PIGN: variants seen among roughly 807,000 people sequenced by gnomAD.
PIGN encodes the protein phosphatidylinositol glycan anchor biosynthesis class N, also known as GPI ethanolamine phosphate transferase 1.
In PIGN, 117 loss-of-function variants were observed where a neutral mutation model predicts 125.4. The observed-to-expected ratio is 0.93, with a 90% CI of 0.80 to 1.09. PIGN has a LOEUF of 1.09. Ranked by LOEUF, PIGN falls within the 50% of genes least tolerant of loss-of-function variation. The probability of loss-of-function intolerance (pLI) is 0.00; values close to 1 mark genes in which losing one functional copy is unlikely to be tolerated. For synonymous variants in PIGN, 392 were observed against 377.8 expected (o/e 1.04, Z -0.44); for missense variants, 1,075 against 1,094.9 (o/e 0.98, Z 0.26).
Position 62,085,258 on chromosome 18 carries a change from A to C in PIGN, c.2377T>G (p.Phe793Val). 1.3e-6 allele frequency: 2 copies of C among 1,542,990 alleles called. No individual in the cohort carries two copies. Among genetic ancestry groups the C allele is most frequent in the Non-Finnish European group, 1.8e-6 (2 of 1,140,022 alleles). Residue 793 changes from phenylalanine to valine, a missense_variant, in exon 26 of 31, where the codon TTC becomes GTC. Coordinates refer to ENST00000640252, the MANE Select transcript of PIGN (RefSeq NM_176787.5). ...DIRRAFFLVF[F>V]LVTAFFGTGN... ...GTTCCAAAAAATGCTGTCACTAAGA[A>C]GAAAACCTAAAGGGAGTCAAGGAAA...
At chr18:62,059,320 T>A (rs1170202580) in intron 30 of PIGN, among the ~76,000 whole-genome samples, 1 of 152,002 alleles carries the variant, frequency 6.6e-6, no homozygotes, top group Non-Finnish European at 1.5e-5. Flanking sequence ...AAGCTCAATC[T>A]GACCTTGGTT....
intron 23 of PIGN, among the ~76,000 whole-genome samples, chr18:62,021,066 C>T (rs2030049607): frequency 1.3e-5 from 2 of 151,936 alleles, no homozygotes; most frequent in Admixed American, 1.3e-4. Context: ...AAAATGGTAC[C>T]ACCACTTTGG....
Position 62,186,879 on chromosome 18 carries a change from C to T in PIGN, c.-271G>A, listed in dbSNP as rs2148102757. ...TCCCGGTCAGGCCTGATCTCGAAAA[C>T]GAGGGCTCCTCAGCGCGAAGGCAGG... On this transcript the variant is annotated 5_prime_UTR_variant, in exon 1 of 31. Transcript: ENST00000640252. 1 of 152,400 alleles carries T rather than the reference C, an allele frequency of 6.6e-6. No homozygotes were observed. The highest frequency in any genetic ancestry group is 1.9e-4 in the East Asian group (1 of 5,178). 9.4% of individuals were successfully genotyped at this position (152,400 alleles called of 1,614,324 possible).
At chr18:62,049,766 T>C (rs2031102287) in intron 30 of PIGN, among the ~76,000 whole-genome samples, 1 of 152,016 alleles carries the variant, frequency 6.6e-6, no homozygotes, top group Non-Finnish European at 1.5e-5. Flanking sequence ...AGACATGAAG[T>C]CCTTGTCCAT....
intron 23 of PIGN, among the ~76,000 whole-genome samples, chr18:62,030,450 A>G (rs2030181021): frequency 6.6e-6 from 1 of 152,220 alleles, no homozygotes; most frequent in Admixed American, 6.5e-5. Context: ...ATAAACTTTC[A>G]ACTTCCTGGT....
chr18:62,080,333 T>C (rs1375391486), intron 28 of PIGN, among the ~76,000 whole-genome samples: 1 of 152,230 alleles, frequency 6.6e-6, no homozygotes, highest in Non-Finnish European at 1.5e-5. Context: ...TGCTGCATTC[T>C]GAAGGTGACA....
chr18:62,095,638 G>C (rs1244148992), intron 23 of PIGN, among the ~76,000 whole-genome samples: 5 of 152,030 alleles, frequency 3.3e-5, no homozygotes, highest in Admixed American at 3.3e-4. Flanking sequence ...AAGACAGCAA[G>C]CAATATCATG....
intron 1 of PIGN, among the ~76,000 whole-genome samples, chr18:62,174,972 G>A (rs2037469519): frequency 6.7e-6 from 1 of 148,270 alleles, no homozygotes; most frequent in Non-Finnish European, 1.5e-5. Flanking sequence ...AAAATTTCTT[G>A]ATTACAGACT....
At chr18:62,018,876 A>G (rs2030016843) in intron 23 of PIGN, among the ~76,000 whole-genome samples, 1 of 152,142 alleles carries the variant, frequency 6.6e-6, no homozygotes. Flanking sequence ...ACACACACAC[A>G]CACAGCCCAG....
In PIGN at chr18:62,106,786, T is replaced by C; in HGVS notation, c.1767+3A>G. 2 of 1,594,426 alleles carry C rather than the reference T, an allele frequency of 1.3e-6. No homozygotes were observed. Among genetic ancestry groups the C allele is most frequent in the Non-Finnish European group, 1.7e-6 (2 of 1,167,388 alleles). On this transcript the variant is annotated splice_donor_region_variant and intron_variant, in intron 19 of 30. Coordinates refer to ENST00000640252, the MANE Select transcript of PIGN (RefSeq NM_176787.5). ...TGTCCTATGTCAAAATGAGTACTCA[T>C]ACCTTTGCTCGAGTCCACAGCCGAG...
Position 62,160,055 on chromosome 18 carries a change from G to C in PIGN, c.221+1078C>G, listed in dbSNP as rs138460415. 1.6e-3 allele frequency among the ~76,000 whole-genome samples: 239 copies of C among 152,356 alleles called. 1 individual carries two copies. Among genetic ancestry groups the C allele is most frequent in the African/African-American group, 5.4e-3 (223 of 41,586 alleles). On this transcript the variant is annotated intron_variant, in intron 4 of 30. Transcript: ENST00000640252. Reference sequence around the variant, plus strand: ...GTGAACCTGGGAGGCTGAGCTGGCAGTGAGCTGAGATCACGCCACTGCACT... The same window carrying C: ...GTGAACCTGGGAGGCTGAGCTGGCACTGAGCTGAGATCACGCCACTGCACT...
chr18:62,183,838 T>G (rs1359919188), intron 1 of PIGN, among the ~76,000 whole-genome samples: 1 of 134,496 alleles, frequency 7.4e-6, no homozygotes, highest in African/African-American at 2.6e-5. Flanking sequence ...AGACTGAAAA[T>G]ACTTTAAAAA....
chr18:62,181,349 A>G (rs768881555), intron 1 of PIGN, among the ~76,000 whole-genome samples: 19 of 152,212 alleles, frequency 1.2e-4, no homozygotes, highest in Non-Finnish European at 2.4e-4. Flanking sequence ...AACTTCTTGA[A>G]AAGGCTGAAT....
rs763343588 is a variant in PIGN at position 62,084,544 on chromosome 18, A to G, written c.2489T>C (p.Leu830Pro). Residue 830 changes from leucine to proline, a missense_variant, in exon 27 of 31, where the codon CTG becomes CCG. Leu to Pro is a moderately conservative substitution (Grantham distance 98, BLOSUM62 -3). Around this residue, in one of 3 missense-constraint regions of PIGN, gnomAD observed 915 missense variants for 908.7 expected, o/e 1.01. Transcript: ENST00000640252. Reference protein sequence around the residue: ...TVFSPFMMGALMMWKILIPFV... With the variant: ...TVFSPFMMGAPMMWKILIPFV... ...AAGAAAACTAACCTTCCACATCATC[A>G]GGGCTCCCATCATAAAAGGACTGAA... The G allele has an allele frequency of 6.5e-7, 1 of 1,548,348 alleles. No individual in the cohort carries two copies. Among genetic ancestry groups the G allele is most frequent in the Admixed American group, 1.9e-5 (1 of 51,552 alleles).
intron 14 of PIGN, among the ~76,000 whole-genome samples, chr18:62,121,565 G>A (rs1599569528): frequency 6.6e-6 from 1 of 152,148 alleles, no homozygotes; most frequent in East Asian, 1.9e-4. Flanking sequence ...TGGATGGTAA[G>A]AACATTTCCT....
At position 62,117,736 on chromosome 18, in the gene PIGN, A is replaced by C. The variant is rs1447861051; in HGVS notation, c.1173-3097T>G. ...ATACATATGTATTCTTGTCTACTTC[A>C]TCAATTCTATTCTGTCAATTCTTGT... On this transcript the variant is annotated intron_variant, in intron 14 of 30. Coordinates refer to ENST00000640252, the MANE Select transcript of PIGN (RefSeq NM_176787.5). 8.5e-5 allele frequency among the ~76,000 whole-genome samples: 13 copies of C among 152,190 alleles called. No homozygotes were observed. In the East Asian group the frequency reaches 2.3e-3, roughly 27 times the overall value.
chr18:62,134,208 C>A (rs1445557635), intron 14 of PIGN, among the ~76,000 whole-genome samples: 7 of 151,848 alleles, frequency 4.6e-5, no homozygotes, highest in South Asian at 2.1e-4. Flanking sequence ...GCCTAGCCAA[C>A]ATGGTGAAAC....
At chr18:62,037,283 C>G (rs2030272999), downstream of PIGN, among the ~76,000 whole-genome samples, 1 of 152,198 alleles carries the variant, frequency 6.6e-6, no homozygotes, top group Admixed American at 6.5e-5. Context: ...AGTTGACTAG[C>G]AAATCAACTT....
intron 23 of PIGN, among the ~76,000 whole-genome samples, chr18:62,090,954 A>C (rs1406038062): frequency 6.6e-6 from 1 of 152,198 alleles, no homozygotes; most frequent in African/African-American, 2.4e-5. Context: ...ATTTTCAAAA[A>C]AATGGGCGCA....
Sources: gnomAD v4.1 joint callset for allele counts (sites outside exome capture counted in the v4.1 genomes callset) on GRCh38, gnomAD v4.1.1 for gene constraint, gnomAD v4.1.1 regional missense constraint, MANE v1.5 for transcripts, NCBI Gene and HGNC (gene_info 2026-07-23, HGNC 2026-07-21) for gene names.